SRD5A2: variants seen among roughly 807,000 people sequenced by gnomAD.
SRD5A2 encodes the protein steroid 5 alpha-reductase 2.
SRD5A2 carries 30 observed loss-of-function variants against 27.4 expected under a neutral mutation model. That is an observed-to-expected ratio of 1.10 (90% CI 0.82 to 1.49). The LOEUF is 1.49. SRD5A2 is among the 40% of genes most tolerant of loss of function. The probability of loss-of-function intolerance (pLI) is 0.00; values close to 1 mark genes in which losing one functional copy is unlikely to be tolerated. For missense variants in SRD5A2, 348 were observed against 323.4 expected (o/e 1.08, Z -0.58); for synonymous variants, 141 against 133.6 (o/e 1.06, Z -0.38).
chr2:31,569,679 A>AAAC, intron 1 of SRD5A2, among the ~76,000 whole-genome samples: 1 of 58,134 alleles, frequency 1.7e-5, no homozygotes, highest in African/African-American at 4.8e-5. Context: ...ACAAAAAACA[A>AAAC]AAAAAAAAAA....
chr2:31,533,453 TA>T lies in SRD5A2; in HGVS notation c.445+149del, dbSNP rs1362409870. 5.8e-5 allele frequency: 37 copies of T among 638,000 alleles called. No individual in the cohort carries two copies. In the African/African-American group the frequency reaches 6.7e-4, roughly 12 times the overall value. 39.5% of individuals were successfully genotyped at this position (638,000 alleles called of 1,614,324 possible). On this transcript the variant is annotated intron_variant, in intron 2 of 4. Coordinates refer to ENST00000622030, the MANE Select transcript of SRD5A2 (RefSeq NM_000348.4). Reference sequence around the variant, plus strand: ...TATGTGTTTAAACAATCTCTCTGGCTACCATATAGAGAAAAGATCAGGGTAG... The same window carrying T: ...TATGTGTTTAAACAATCTCTCTGGCTCCATATAGAGAAAAGATCAGGGTAG...
chr2:31,648,864 C>T, the SRD5A2 span, among the ~76,000 whole-genome samples: 1 of 152,140 alleles, frequency 6.6e-6, no homozygotes, highest in African/African-American at 2.4e-5. Context: ...CCTTTCTAAA[C>T]AAGTATTGGC....
chr2:31,556,516 A>G (rs999609868), intron 1 of SRD5A2, among the ~76,000 whole-genome samples: 1 of 152,242 alleles, frequency 6.6e-6, no homozygotes, highest in African/African-American at 2.4e-5. Flanking sequence ...AGATGCAAAC[A>G]CATGGATTCT....
chr2:31,655,451 T>G, the SRD5A2 span, among the ~76,000 whole-genome samples: 1 of 152,180 alleles, frequency 6.6e-6, no homozygotes, highest in African/African-American at 2.4e-5. Context: ...CTCACTGACT[T>G]CCAGGCAGAG....
chr2:31,574,270 G>A (rs1666910440), intron 1 of SRD5A2, among the ~76,000 whole-genome samples: 1 of 152,166 alleles, frequency 6.6e-6, no homozygotes, highest in South Asian at 2.1e-4. Flanking sequence ...GTACTCCTAT[G>A]ACTCCCATGA....
At chr2:31,549,495 T>A (rs1417726916) in intron 1 of SRD5A2, among the ~76,000 whole-genome samples, 1 of 152,152 alleles carries the variant, frequency 6.6e-6, no homozygotes, top group Non-Finnish European at 1.5e-5. Context: ...GTATTTAATG[T>A]CACTCAAAAT....
At chr2:31,633,153 C>T in the SRD5A2 span, among the ~76,000 whole-genome samples, 5 of 152,210 alleles carry the variant, frequency 3.3e-5, no homozygotes, top group South Asian at 2.1e-4. Flanking sequence ...TGGGGTAATC[C>T]CCTCTGGGAA....
intron 2 of SRD5A2, 27 bp from the exon 3 acceptor site, chr2:31,531,499 AT>A (rs780468223): frequency 3.5e-5 from 53 of 1,498,410 alleles, no homozygotes; most frequent in African/African-American, 3.5e-4. Flanking sequence ...GAAAGGAGAA[AT>A]TTTTTTTAAA....
the SRD5A2 span, among the ~76,000 whole-genome samples, chr2:31,641,520 C>T: frequency 6.6e-6 from 1 of 152,112 alleles, no homozygotes; most frequent in South Asian, 2.1e-4. Flanking sequence ...TTATACAAGA[C>T]ATAAACTTGT....
the SRD5A2 span, among the ~76,000 whole-genome samples, chr2:31,659,586 C>T: frequency 6.6e-6 from 1 of 152,058 alleles, no homozygotes; most frequent in Non-Finnish European, 1.5e-5. Context: ...TTCACAATTA[C>T]CACAAATGGA....
At chr2:31,578,795 T>C (rs977954209) in intron 1 of SRD5A2, among the ~76,000 whole-genome samples, 5 of 152,138 alleles carry the variant, frequency 3.3e-5, no homozygotes, top group African/African-American at 1.2e-4. Context: ...GGTTTTTTTT[T>C]AAATGCACCG....
the SRD5A2 span, among the ~76,000 whole-genome samples, chr2:31,653,647 T>G: frequency 1.3e-5 from 2 of 152,154 alleles, no homozygotes; most frequent in Non-Finnish European, 2.9e-5. Flanking sequence ...GAATAAAATA[T>G]CCTGCAAACT....
the SRD5A2 span, among the ~76,000 whole-genome samples, chr2:31,610,870 G>A: frequency 1.3e-5 from 2 of 152,100 alleles, no homozygotes; most frequent in African/African-American, 4.8e-5. Context: ...CACTTTGGGA[G>A]GCCAAGGAGG....
At chr2:31,630,433 T>C in the SRD5A2 span, among the ~76,000 whole-genome samples, 2 of 152,162 alleles carry the variant, frequency 1.3e-5, no homozygotes. Context: ...AAACCTATAA[T>C]TCATCATGGA....
At chr2:31,629,149 GAGA>G in the SRD5A2 span, among the ~76,000 whole-genome samples, 1 of 152,104 alleles carries the variant, frequency 6.6e-6, no homozygotes, top group East Asian at 1.9e-4. Context: ...TCTACCCATG[GAGA>G]AGGTTTGTCC....
At chr2:31,632,236 AGAAAAAGGCCACTGCTTGAGTCATGGCC>A in the SRD5A2 span, among the ~76,000 whole-genome samples, 1 of 152,210 alleles carries the variant, frequency 6.6e-6, no homozygotes, top group Non-Finnish European at 1.5e-5. Flanking sequence ...AAACGACATA[AGAAAAAGGCCACTGCTTGAGTCATGGCC>A]CTCAGGCAAG....
rs769180502 is a variant in SRD5A2, at chr2:31,523,412, T to A, written c.*2784A>T. ...GTGCCTTAAGCAGAAGAAGCATACA[T>A]CTGACCCTCAAAGGGACAAAATGAG... On this transcript the variant is annotated 3_prime_UTR_variant, in exon 5 of 5. Coordinates refer to ENST00000622030, the MANE Select transcript of SRD5A2 (RefSeq NM_000348.4). 1 of 216,818 alleles carries A rather than the reference T, an allele frequency of 4.6e-6. No homozygotes were observed. The highest frequency in any genetic ancestry group is 2.3e-5 in the African/African-American group (1 of 44,368). 13.4% of individuals were successfully genotyped at this position (216,818 alleles called of 1,614,324 possible).
the SRD5A2 span, among the ~76,000 whole-genome samples, chr2:31,616,247 G>T: frequency 6.6e-6 from 1 of 152,184 alleles, no homozygotes; most frequent in Non-Finnish European, 1.5e-5. Flanking sequence ...GAAAGGGAAT[G>T]TAGGGTTGAA....
intron 2 of SRD5A2, among the ~76,000 whole-genome samples, chr2:31,532,618 C>A (rs150055809): frequency 4.4e-4 from 66 of 151,020 alleles, no homozygotes; most frequent in Non-Finnish European, 8.3e-4. Flanking sequence ...GAGGCCCAAC[C>A]CAACCTGTCA....
Sources: gnomAD v4.1 joint callset for allele counts (sites outside exome capture counted in the v4.1 genomes callset) on GRCh38, gnomAD v4.1.1 for gene constraint, MANE v1.5 for transcripts, NCBI Gene and HGNC (gene_info 2026-07-23, HGNC 2026-07-21) for gene names.